Variants in DOP1B observed in about 807,000 individuals in gnomAD.
DOP1B encodes protein DOP1B.
In DOP1B, 174 loss-of-function variants were observed where a neutral mutation model predicts 233.5. That is an observed-to-expected ratio of 0.75 (90% CI 0.66 to 0.85). DOP1B has a LOEUF of 0.85. Among genes scored for constraint, DOP1B ranks in the 40% least tolerant of loss-of-function variants. The pLI is 0.00. For missense variants in DOP1B, 2,652 were observed against 2,846.6 expected, an observed-to-expected ratio of 0.93 and a Z score of 1.56; for synonymous variants, 1,190 against 1,185.6, an observed-to-expected ratio of 1.00 and a Z score of -0.08.
intron 22 of DOP1B, among the ~76,000 whole-genome samples, chr21:36,253,485 G>A (rs1195327408): frequency 1.3e-5 from 2 of 152,056 alleles, no homozygotes; most frequent in Admixed American, 6.6e-5. Flanking sequence ...AGACCGAGGC[G>A]GGCAGATCAC....
rs143428909 is a variant in DOP1B, at chr21:36,254,554, G to T, written c.5259+645G>T. On this transcript the variant is annotated intron_variant, in intron 23 of 36. Coordinates refer to ENST00000691173, the MANE Select transcript of DOP1B (RefSeq NM_001320714.2). ...ATGAGGCTCCTACCCTCCCACAGAG[G>T]CTGGGAGATCGAGACTCTGTCTTTC... Among the ~76,000 whole-genome samples, 46 of 152,240 alleles carry T rather than the reference G, an allele frequency of 3.0e-4. 1 individual carries two copies. In the East Asian group the frequency reaches 8.5e-3, roughly 28 times the overall value.
At chr21:36,222,060 CAG>C (rs917751350) in intron 10 of DOP1B, among the ~76,000 whole-genome samples, 2 of 151,724 alleles carry the variant, frequency 1.3e-5, no homozygotes, top group African/African-American at 2.4e-5. Flanking sequence ...TTAGTAGTGA[CAG>C]AGTTTTGCCA....
At position 36,231,071 on chromosome 21, in the gene DOP1B, T is replaced by C. The variant is rs1268904246; in HGVS notation, c.2287T>C (p.Phe763Leu). The C allele has an allele frequency of 6.2e-7, 1 of 1,613,704 alleles. No individual in the cohort carries two copies. The highest frequency in any genetic ancestry group is 2.2e-5 in the East Asian group (1 of 44,852). ...CCACCTGCTGCTGGATTGTGCCACT[T>C]TCCCTGTCTACCTGTCCGAGGAAGA... is the stretch of plus-strand genomic sequence containing the variant. ...ACHLLLDCAT[F>L]PVYLSEEETE... The change falls in exon 14 of 37, where the codon TTC becomes CTC. Residue 763 changes from phenylalanine (F) to leucine (L), a missense_variant. Phe to Leu is a conservative substitution (Grantham distance 22). Transcript: ENST00000691173.
At chr21:36,240,881 T>G (rs571261722) in intron 18 of DOP1B, among the ~76,000 whole-genome samples, 41 of 152,192 alleles carry the variant, frequency 2.7e-4, no homozygotes, top group Non-Finnish European at 3.5e-4. Context: ...AAAATAATAA[T>G]AAGAAGAAGT....
At chr21:36,220,728 C>G in intron 10 of DOP1B, among the ~76,000 whole-genome samples, 1 of 145,342 alleles carries the variant, frequency 6.9e-6, no homozygotes. Flanking sequence ...TGGTCTCAAA[C>G]TCCTGAGCTC....
At chr21:36,237,195 T>A in intron 15 of DOP1B, 67 bp from the exon 16 acceptor site, 1 of 1,599,790 alleles carries the variant, frequency 6.3e-7, no homozygotes, top group Non-Finnish European at 8.6e-7. Flanking sequence ...ACTGACTGAG[T>A]GAGGATGTGA....
At chr21:36,180,829 C>T (rs902172341) in intron 2 of DOP1B, among the ~76,000 whole-genome samples, 7 of 151,202 alleles carry the variant, frequency 4.6e-5, no homozygotes, top group Admixed American at 1.3e-4. Flanking sequence ...TGCAATGAGC[C>T]GAGATTATGC....
chr21:36,240,993 C>T (rs2066886231), intron 18 of DOP1B, among the ~76,000 whole-genome samples: 1 of 152,074 alleles, frequency 6.6e-6, no homozygotes, highest in South Asian at 2.1e-4. Flanking sequence ...TGTGGCAAGA[C>T]AAGGGTTAAA....
chr21:36,181,086 G>A (rs2066093151), intron 2 of DOP1B, among the ~76,000 whole-genome samples: 2 of 152,146 alleles, frequency 1.3e-5, no homozygotes, highest in East Asian at 3.8e-4. Context: ...TCCTGGAACA[G>A]TGTTGAATAG....
chr21:36,213,746 G>A (rs914225480), intron 7 of DOP1B, among the ~76,000 whole-genome samples: 3 of 149,338 alleles, frequency 2.0e-5, no homozygotes, highest in African/African-American at 4.9e-5. Context: ...CATCATGTTG[G>A]CCACGCTGGT....
At chr21:36,173,588 AT>A (rs1286609075) in intron 2 of DOP1B, among the ~76,000 whole-genome samples, 1 of 151,428 alleles carries the variant, frequency 6.6e-6, no homozygotes, top group Non-Finnish European at 1.5e-5. Context: ...CACCCGGCTA[AT>A]TTTTTTTGTA....
At chr21:36,182,320 G>T (rs1009259933) in intron 2 of DOP1B, among the ~76,000 whole-genome samples, 5 of 152,114 alleles carry the variant, frequency 3.3e-5, no homozygotes, top group Non-Finnish European at 5.9e-5. Context: ...GTGATGCGCT[G>T]CAGGGTGGGG....
chr21:36,170,006 C>G (rs1178223547), intron 2 of DOP1B: 1 of 750,550 alleles, frequency 1.3e-6, no homozygotes, highest in Admixed American at 1.7e-5. Context: ...CTGTCGACTT[C>G]CCGTGTGATG....
intron 4 of DOP1B, among the ~76,000 whole-genome samples, chr21:36,205,338 T>C (rs2066415108): frequency 6.6e-6 from 1 of 151,956 alleles, no homozygotes; most frequent in Non-Finnish European, 1.5e-5. Context: ...TGGAAATACT[T>C]GGGGTTTGGA....
chr21:36,281,137 C>G (rs1601479863), intron 31 of DOP1B, among the ~76,000 whole-genome samples: 1 of 151,580 alleles, frequency 6.6e-6, no homozygotes, highest in African/African-American at 2.4e-5. Flanking sequence ...AACCCCATCT[C>G]TACAAAAAAT....
At position 36,289,157 on chromosome 21, in the gene DOP1B, T is replaced by G; in HGVS notation, c.6466T>G (p.Leu2156Val). 1 of 1,614,190 alleles carries G rather than the reference T, an allele frequency of 6.2e-7. No individual in the cohort carries two copies. Among genetic ancestry groups the G allele is most frequent in the Non-Finnish European group, 8.5e-7 (1 of 1,180,036 alleles). Residue 2156 changes from leucine to valine, a missense_variant, in exon 35 of 37, where the codon TTG becomes GTG. This residue lies in a region of DOP1B where 2,617 missense variants were observed against 2,794.3 expected (regional missense o/e 0.94). Coordinates refer to ENST00000691173, the MANE Select transcript of DOP1B (RefSeq NM_001320714.2). The part of the protein sequence containing the change: ...LILYLSACKF[L>V]DTALSFPPDK... ...CTTGTATTTATCAGCTTGCAAATTCTTGGACACAGCGCTTTCTTTTCCACC... is the reference window on the plus strand; with the variant it reads ...CTTGTATTTATCAGCTTGCAAATTCGTGGACACAGCGCTTTCTTTTCCACC...
At chr21:36,158,565 G>A (rs577749765) in intron 1 of DOP1B, among the ~76,000 whole-genome samples, 3 of 152,262 alleles carry the variant, frequency 2.0e-5, no homozygotes, top group Non-Finnish European at 2.9e-5. Flanking sequence ...CAGCACTTTG[G>A]GAAGTCGAGG....
intron 13 of DOP1B, among the ~76,000 whole-genome samples, chr21:36,228,744 C>T (rs142875079): frequency 2.0e-5 from 3 of 149,194 alleles, no homozygotes; most frequent in Admixed American, 6.7e-5. Context: ...CCAGCCTAGG[C>T]GAAAAAGTGA....
intron 21 of DOP1B, among the ~76,000 whole-genome samples, chr21:36,249,096 C>T (rs2067003654): frequency 6.6e-6 from 1 of 151,168 alleles, no homozygotes; most frequent in Non-Finnish European, 1.5e-5. Flanking sequence ...CAGAGCAAAA[C>T]CCCATCTCAA....
Sources: gnomAD v4.1 joint callset for allele counts (sites outside exome capture counted in the v4.1 genomes callset) on GRCh38, gnomAD v4.1.1 for gene constraint, gnomAD v4.1.1 regional missense constraint, MANE v1.5 for transcripts, NCBI Gene and HGNC (gene_info 2026-07-23, HGNC 2026-07-21) for gene names.